Variants in CDIN1 observed in about 807,000 individuals in gnomAD.
The protein encoded by CDIN1 is CDAN1 interacting nuclease 1.
A neutral mutation model predicts 45.3 loss-of-function variants in CDIN1; 33 were observed. The ratio of observed to expected loss-of-function variants is 0.73; its 90% CI spans 0.55 to 0.97. The LOEUF (loss-of-function observed/expected upper bound fraction) is 0.97. CDIN1 is among the 50% of genes least tolerant of loss of function. CDIN1 has a pLI of 0.00. For missense variants in CDIN1, 303 were observed against 339.4 expected (o/e 0.89, Z 0.84); for synonymous variants, 118 against 124.4 (o/e 0.95, Z 0.34).
At chr15:36,612,962 A>G (rs2038718499) in intron 1 of CDIN1, among the ~76,000 whole-genome samples, 1 of 152,252 alleles carries the variant, frequency 6.6e-6, no homozygotes, top group Non-Finnish European at 1.5e-5. Context: ...TGTAGCCATT[A>G]TCAAAATGAA....
intron 10 of CDIN1, among the ~76,000 whole-genome samples, chr15:36,712,357 C>A (rs145550402): frequency 7.3e-5 from 11 of 150,018 alleles, no homozygotes; most frequent in African/African-American, 2.5e-4. Context: ...CCTCCACCTC[C>A]CGGGTTCAAG....
At chr15:36,733,958 A>G (rs2043922851) in intron 10 of CDIN1, among the ~76,000 whole-genome samples, 1 of 152,174 alleles carries the variant, frequency 6.6e-6, no homozygotes, top group Non-Finnish European at 1.5e-5. Context: ...AAAATGTTAT[A>G]AAACTTCATG....
Position 36,751,229 on chromosome 15 carries a change from T to TTATATATATATATATATATATA in CDIN1, c.716+41278_716+41299dup, listed in dbSNP as rs10557235. Among the ~76,000 whole-genome samples the TTATATATATATATATATATATA allele has an allele frequency of 1.6e-3, 155 of 97,514 alleles. 2 individuals carry two copies. The highest frequency in any genetic ancestry group is 2.0e-3 in the South Asian group (5 of 2,452). 64.0% of individuals were successfully genotyped at this position (97,514 alleles called of 152,430 possible). On this transcript the variant is annotated intron_variant, in intron 10 of 10. Transcript: ENST00000566621. ...ATAAAAGCATATATATATGCTTATTTTATATATATATATATATATATATAT... is the reference window on the plus strand; with the variant it reads ...ATAAAAGCATATATATATGCTTATTTTATATATATATATATATATATATATATATATATATATATATATATAT...
At chr15:36,798,962 GGCCTT>G (rs1466869661) in intron 10 of CDIN1, 1 of 152,180 alleles carries the variant, frequency 6.6e-6, no homozygotes, top group African/African-American at 2.4e-5. Context: ...CTGTCAGCCA[GGCCTT>G]GCCAACTCCA....
chr15:36,748,105 G>A (rs1023396977), intron 10 of CDIN1, among the ~76,000 whole-genome samples: 5 of 152,062 alleles, frequency 3.3e-5, no homozygotes, highest in Admixed American at 2.0e-4. Context: ...ATGACCTGGG[G>A]CAAATCTCTC....
intron 10 of CDIN1, among the ~76,000 whole-genome samples, chr15:36,712,852 C>T (rs1275607547): frequency 1.3e-5 from 2 of 152,174 alleles, no homozygotes; most frequent in South Asian, 2.1e-4. Flanking sequence ...TCTACTTCTA[C>T]AGAGTTAAAG....
chr15:36,800,839 ATATGAT>A lies in CDIN1; in HGVS notation c.717-7475_717-7470del, dbSNP rs2054989726. Among the ~76,000 whole-genome samples the A allele has an allele frequency of 6.2e-5, 9 of 144,566 alleles. No individual in the cohort carries two copies. In the South Asian group the frequency reaches 2.0e-3, roughly 32 times the overall value. 94.8% of individuals were successfully genotyped at this position (144,566 alleles called of 152,430 possible). On this transcript the variant is annotated intron_variant, in intron 10 of 10. Transcript: ENST00000566621. ...CATAATAAGAGAAAAAGAAATATAT[ATATGAT>A]TATGATTATACATATGTGTGTGTGT... is the stretch of plus-strand genomic sequence containing the variant.
intron 1 of CDIN1, chr15:36,627,230 T>C: frequency 5.8e-6 from 1 of 171,756 alleles, no homozygotes. Flanking sequence ...GTAGTGACCT[T>C]GCAATAGTGA....
intron 10 of CDIN1, among the ~76,000 whole-genome samples, chr15:36,734,015 A>C (rs1209539317): frequency 6.6e-6 from 1 of 152,138 alleles, no homozygotes; most frequent in Admixed American, 6.6e-5. Context: ...GATGAGAAAA[A>C]GTCATCCATG....
intron 4 of CDIN1, 31 bp downstream of exon 4, chr15:36,654,189 C>T: frequency 6.6e-7 from 1 of 1,525,570 alleles, no homozygotes; most frequent in Non-Finnish European, 8.9e-7. Context: ...TTATTTAAAC[C>T]TGCGTGTAAC....
chr15:36,745,274 CATT>C (rs1172473124), intron 10 of CDIN1, among the ~76,000 whole-genome samples: 1 of 152,106 alleles, frequency 6.6e-6, no homozygotes, highest in Non-Finnish European at 1.5e-5. Flanking sequence ...ATAAATTTGT[CATT>C]ATTTTCCATT....
At chr15:36,620,365 TAAAATA>T (rs1160357385) in intron 1 of CDIN1, among the ~76,000 whole-genome samples, 1 of 151,826 alleles carries the variant, frequency 6.6e-6, no homozygotes, top group Non-Finnish European at 1.5e-5. Flanking sequence ...AAAATAAAAA[TAAAATA>T]AAAATAAAAA....
chr15:36,584,688 A>C (rs2037209992), intron 1 of CDIN1, among the ~76,000 whole-genome samples: 1 of 152,082 alleles, frequency 6.6e-6, no homozygotes, highest in South Asian at 2.1e-4. Context: ...AGCACGGGAC[A>C]CGCTCACACA....
chr15:36,731,304 A>G (rs528419018), intron 10 of CDIN1, among the ~76,000 whole-genome samples: 1 of 152,252 alleles, frequency 6.6e-6, no homozygotes, highest in African/African-American at 2.4e-5. Flanking sequence ...CGAATTGTCA[A>G]AATAGGTACT....
At chr15:36,627,748 A>T (rs922340751) in intron 1 of CDIN1, 1 of 152,408 alleles carries the variant, frequency 6.6e-6, no homozygotes, top group Non-Finnish European at 1.5e-5. Flanking sequence ...AGCTGGACCA[A>T]CCATCACCAG....
Position 36,739,865 on chromosome 15 carries a change from A to T in CDIN1, c.716+29904A>T, listed in dbSNP as rs191926699. ...TCTCTGCACATATCACATCCAAAAA[A>T]TTTGAAAAATTAGTATTCTGAATGA... On this transcript the variant is annotated intron_variant, in intron 10 of 10. Coordinates refer to ENST00000566621, the MANE Select transcript of CDIN1 (RefSeq NM_001321759.2). 5.7e-3 allele frequency among the ~76,000 whole-genome samples: 864 copies of T among 152,332 alleles called. 12 individuals carry two copies. Among genetic ancestry groups the T allele is most frequent in the African/African-American group, 0.02 (832 of 41,558 alleles).
At chr15:36,731,986 C>G (rs764684126) in intron 10 of CDIN1, among the ~76,000 whole-genome samples, 1 of 152,062 alleles carries the variant, frequency 6.6e-6, no homozygotes, top group Non-Finnish European at 1.5e-5. Context: ...TTACAAACTT[C>G]GTTACGTCAC....
At chr15:36,645,181 C>A in intron 2 of CDIN1, 42 bp from the exon 3 acceptor site, 2 of 1,434,246 alleles carry the variant, frequency 1.4e-6, no homozygotes, top group Non-Finnish European at 1.9e-6. Context: ...TCATCTGTGA[C>A]ATATCAAAGA....
At chr15:36,797,774 G>A (rs545081121) in intron 10 of CDIN1, among the ~76,000 whole-genome samples, 11 of 152,132 alleles carry the variant, frequency 7.2e-5, no homozygotes, top group Middle Eastern at 3.4e-3. Context: ...GAGGTGAGGC[G>A]TTCAAGACGA....
Sources: gnomAD v4.1 joint callset for allele counts (sites outside exome capture counted in the v4.1 genomes callset) on GRCh38, gnomAD v4.1.1 for gene constraint, MANE v1.5 for transcripts, NCBI Gene and HGNC (gene_info 2026-07-23, HGNC 2026-07-21) for gene names.